The following AFAP1 variants were observed in gnomAD, a reference collection of about 807,000 sequenced individuals.
The protein encoded by AFAP1 is actin filament-associated protein 1.
AFAP1 carries 75 observed loss-of-function variants against 93.9 expected under a neutral mutation model. That is an observed-to-expected ratio of 0.80 (90% CI 0.66 to 0.97). The LOEUF is 0.97. AFAP1 is among the 50% of genes least tolerant of loss of function. AFAP1 has a pLI of 0.00. For synonymous variants in AFAP1, 517 were observed against 430.7 expected, an observed-to-expected ratio of 1.20 and a Z score of -2.48; for missense variants, 1,201 against 1,050.8, an observed-to-expected ratio of 1.14 and a Z score of -1.98.
intron 1 of AFAP1, among the ~76,000 whole-genome samples, chr4:7,927,314 G>C (rs9991239): frequency 1.3e-5 from 2 of 152,126 alleles, no homozygotes; most frequent in Admixed American, 1.3e-4. Context: ...CCAGCTGTCC[G>C]GGTTCAAACC....
chr4:7,889,250 G>A (rs573125413), intron 1 of AFAP1, among the ~76,000 whole-genome samples: 1 of 152,000 alleles, frequency 6.6e-6, no homozygotes, highest in African/African-American at 2.4e-5. Flanking sequence ...AGGAATACAG[G>A]GGGGTTGTTT....
At position 7,800,734 on chromosome 4, in the gene AFAP1, G is replaced by A. The variant is rs1212598558; in HGVS notation, c.1055-81C>T. The stretch of plus-strand genomic sequence containing the variant: ...AGACGTCTAGGGTCACACTGAGGAG[G>A]CCCAGGGATGGGAGTGTGGATAAAA... On this transcript the variant is annotated intron_variant, in intron 9 of 17. Transcript: ENST00000420658. The A allele has an allele frequency of 2.9e-6, 4 of 1,356,790 alleles. No homozygotes were observed. The African/African-American group carries it at 4.3e-5, about 15-fold the overall frequency. The allele number at this position is 1,356,790 out of a possible 1,614,324, so 84.0% of individuals were successfully genotyped here. A position where few individuals can be genotyped will look rare whatever the true frequency, so the allele number is the denominator to read the frequency against.
At chr4:7,776,993 G>T (rs1577191896) in intron 14 of AFAP1, 1 of 152,078 alleles carries the variant, frequency 6.6e-6, no homozygotes, top group East Asian at 1.9e-4. Flanking sequence ...GTCACCATTA[G>T]ACGTCACCAC....
intron 11 of AFAP1, among the ~76,000 whole-genome samples, chr4:7,787,694 C>G (rs531710233): frequency 1.3e-5 from 2 of 152,286 alleles, no homozygotes; most frequent in Admixed American, 1.3e-4. Context: ...GGGAACGGCT[C>G]ACTCCCCTTC....
chr4:7,912,785 T>C (rs1719810339), intron 1 of AFAP1, among the ~76,000 whole-genome samples: 1 of 152,206 alleles, frequency 6.6e-6, no homozygotes, highest in South Asian at 2.1e-4. Flanking sequence ...TTTGAGTTAA[T>C]TTTTGTATGA....
chr4:7,898,188 T>C (rs78646084), intron 1 of AFAP1, among the ~76,000 whole-genome samples: 18,637 of 152,052 alleles, frequency 0.12, 1,406 homozygotes, highest in Non-Finnish European at 0.18. Context: ...GGCGGGTGGA[T>C]CACCAGAGGT....
chr4:7,806,732 T>C (rs896707612), intron 9 of AFAP1, among the ~76,000 whole-genome samples: 99 of 152,224 alleles, frequency 6.5e-4, no homozygotes, highest in African/African-American at 2.3e-3. Context: ...AGATGACAGC[T>C]TTAAAATCTT....
intron 1 of AFAP1, among the ~76,000 whole-genome samples, chr4:7,905,513 G>C (rs952731374): frequency 1.3e-5 from 2 of 152,228 alleles, no homozygotes; most frequent in African/African-American, 4.8e-5. Flanking sequence ...CTGCTTTTCT[G>C]AGCTGAAATT....
At chr4:7,860,999 C>T (rs796658231) in intron 3 of AFAP1, among the ~76,000 whole-genome samples, 30 of 152,346 alleles carry the variant, frequency 2.0e-4, no homozygotes, top group African/African-American at 6.7e-4. Flanking sequence ...TACCCCTGCC[C>T]CATCTGTTGC....
At chr4:7,766,065 T>C (rs1353234512) in intron 17 of AFAP1, among the ~76,000 whole-genome samples, 1 of 152,354 alleles carries the variant, frequency 6.6e-6, no homozygotes, top group African/African-American at 2.4e-5. Context: ...TCACTTTGTC[T>C]AAATCAAAAG....
intron 2 of AFAP1, among the ~76,000 whole-genome samples, chr4:7,871,249 T>A (rs1196401806): frequency 2.0e-5 from 3 of 152,208 alleles, no homozygotes; most frequent in Non-Finnish European, 4.4e-5. Context: ...AGGCTGGCCC[T>A]GGCTGGCCTC....
chr4:7,932,714 G>A (rs952218543), intron 1 of AFAP1, among the ~76,000 whole-genome samples: 3 of 152,134 alleles, frequency 2.0e-5, no homozygotes, highest in Non-Finnish European at 4.4e-5. Flanking sequence ...TCAAGTCAGA[G>A]GAACAGATTT....
intron 1 of AFAP1, among the ~76,000 whole-genome samples, chr4:7,893,453 C>T (rs559872870): frequency 1.7e-4 from 26 of 151,804 alleles, no homozygotes; most frequent in Non-Finnish European, 3.1e-4. Flanking sequence ...TGGTGGCGGG[C>T]GCCTGTAGTC....
intron 1 of AFAP1, among the ~76,000 whole-genome samples, chr4:7,899,150 T>G (rs1184097975): frequency 6.6e-6 from 1 of 152,066 alleles, no homozygotes; most frequent in African/African-American, 2.4e-5. Context: ...AATAGACAGA[T>G]GCATTGGTAT....
At chr4:7,929,878 A>T (rs1294590577) in intron 1 of AFAP1, among the ~76,000 whole-genome samples, 4 of 152,204 alleles carry the variant, frequency 2.6e-5, no homozygotes, top group Non-Finnish European at 4.4e-5. Flanking sequence ...TGTTCTCAGC[A>T]GGACCGTTAT....
chr4:7,774,543 A>ATGTTT, intron 15 of AFAP1, 196 bp downstream of exon 15: 1 of 808,768 alleles, frequency 1.2e-6, no homozygotes, highest in Non-Finnish European at 1.9e-6. Context: ...TGCACGCCGC[A>ATGTTT]TGTTTGACCA....
At chr4:7,919,512 G>C (rs1720316049) in intron 1 of AFAP1, among the ~76,000 whole-genome samples, 1 of 152,158 alleles carries the variant, frequency 6.6e-6, no homozygotes, top group African/African-American at 2.4e-5. Context: ...TGAGCCGATT[G>C]AGTTCTTATC....
chr4:7,904,403 T>C (rs1357143690), intron 1 of AFAP1, among the ~76,000 whole-genome samples: 1 of 152,190 alleles, frequency 6.6e-6, no homozygotes, highest in African/African-American at 2.4e-5. Context: ...TCCAATACCA[T>C]GAGTAACGCC....
intron 5 of AFAP1, chr4:7,842,594 T>C (rs28516812): frequency 0.32 from 49,062 of 151,412 alleles, 8,274 homozygotes; most frequent in Middle Eastern, 0.39. Flanking sequence ...CCTGCTGGGG[T>C]CTCCACTGGA....
Sources: gnomAD v4.1 joint callset for allele counts (sites outside exome capture counted in the v4.1 genomes callset) on GRCh38, gnomAD v4.1.1 for gene constraint, MANE v1.5 for transcripts, NCBI Gene and HGNC (gene_info 2026-07-23, HGNC 2026-07-21) for gene names.